The following PIGU variants were observed in gnomAD, a reference collection of about 807,000 sequenced individuals.
PIGU encodes GPI-anchor transamidase component PIGU.
A neutral mutation model predicts 49.9 loss-of-function variants in PIGU; 24 were observed. That is an observed-to-expected ratio of 0.48 (90% CI 0.35 to 0.68). The LOEUF (loss-of-function observed/expected upper bound fraction) is 0.68, where lower values mean the gene tolerates loss of function less well. Among genes scored for constraint, PIGU ranks in the 30% least tolerant of loss-of-function variants. PIGU has a pLI of 0.01. For synonymous variants in PIGU, 220 were observed against 205.7 expected (o/e 1.07, Z -0.59); for missense variants, 490 against 532.6 (o/e 0.92, Z 0.79).
rs150559472 is a variant in PIGU, at chr20:34,586,340, A to G, written c.783-760T>C. ...ATTTCCCTGACTGAGGCCTCCGCCCAGGTTAACTTTTGCCTCTTGCTGTAA... is the reference window on the plus strand; with the variant it reads ...ATTTCCCTGACTGAGGCCTCCGCCCGGGTTAACTTTTGCCTCTTGCTGTAA... On this transcript the variant is annotated intron_variant, in intron 8 of 11. Transcript: ENST00000217446. Among the ~76,000 whole-genome samples the G allele has an allele frequency of 1.6e-3, 249 of 152,184 alleles. 1 individual carries two copies. Among genetic ancestry groups the G allele is most frequent in the African/African-American group, 5.6e-3 (233 of 41,524 alleles).
At chr20:34,561,827 A>G (rs1982527936) in intron 11 of PIGU, among the ~76,000 whole-genome samples, 1 of 151,346 alleles carries the variant, frequency 6.6e-6, no homozygotes, top group African/African-American at 2.4e-5. Flanking sequence ...ACAGCTGCTT[A>G]CTCTTCAGGG....
At chr20:34,659,240 C>A (rs866216553) in intron 1 of PIGU, among the ~76,000 whole-genome samples, 4 of 93,352 alleles carry the variant, frequency 4.3e-5, no homozygotes, top group Admixed American at 4.1e-4. Flanking sequence ...CCGCCCCGTC[C>A]GGGAGGGAGG....
Position 34,581,617 on chromosome 20 carries a change from A to T in PIGU, c.982T>A (p.Ser328Thr). 1 of 1,614,002 alleles carries T rather than the reference A, an allele frequency of 6.2e-7. No individual in the cohort carries two copies. Among genetic ancestry groups the T allele is most frequent in the Non-Finnish European group, 8.5e-7 (1 of 1,179,926 alleles). Residue 328 changes from serine (S) to threonine (T), a missense_variant, in exon 10 of 12, where the codon TCC becomes ACC. Physicochemically the swap from Ser to Thr is moderately conservative, Grantham distance 58. Coordinates refer to ENST00000217446, the MANE Select transcript of PIGU (RefSeq NM_080476.5). ...IQIAVIAIFK[S>T]YPTVGDVALY... Reference sequence around the variant, plus strand: ...GCCACGTCCCCCACTGTCGGGTAGGACTTAAAGATGGCGATGACAGCGATC... The same window carrying T: ...GCCACGTCCCCCACTGTCGGGTAGGTCTTAAAGATGGCGATGACAGCGATC...
chr20:34,598,542 CATCT>C (rs1984288668), intron 7 of PIGU, among the ~76,000 whole-genome samples: 1 of 152,210 alleles, frequency 6.6e-6, no homozygotes, highest in Non-Finnish European at 1.5e-5. Flanking sequence ...CACCTAAAGA[CATCT>C]ATTAAACAGA....
chr20:34,629,577 C>A (rs1195553082), intron 6 of PIGU, among the ~76,000 whole-genome samples: 1 of 152,204 alleles, frequency 6.6e-6, no homozygotes, highest in Non-Finnish European at 1.5e-5. Context: ...CATGTCCAAC[C>A]TAGATCAGCT....
chr20:34,646,472 G>A lies in PIGU; in HGVS notation c.196-1138C>T, dbSNP rs571689197. ...CACCCAGGCTGGAGTGCAGTGGTAC[G>A]ATCTTGGCTCAGAGCAACCTCCGCC... On this transcript the variant is annotated intron_variant, in intron 2 of 11. Coordinates refer to ENST00000217446, the MANE Select transcript of PIGU (RefSeq NM_080476.5). 2.9e-4 allele frequency among the ~76,000 whole-genome samples: 44 copies of A among 152,260 alleles called. No individual in the cohort carries two copies. The South Asian group carries it at 8.5e-3, about 29-fold the overall frequency.
intron 7 of PIGU, among the ~76,000 whole-genome samples, chr20:34,613,521 T>C (rs1296947424): frequency 3.3e-5 from 5 of 152,242 alleles, no homozygotes; most frequent in Non-Finnish European, 7.3e-5. Context: ...TATTTACTTA[T>C]TCATTTTTTG....
chr20:34,631,623 G>A (rs1389208917), intron 6 of PIGU, among the ~76,000 whole-genome samples: 1 of 137,586 alleles, frequency 7.3e-6, no homozygotes. Flanking sequence ...GCGCGATCTC[G>A]ACTCACTGCA....
intron 1 of PIGU, among the ~76,000 whole-genome samples, chr20:34,663,330 G>T (rs986623357): frequency 6.6e-6 from 1 of 152,048 alleles, no homozygotes; most frequent in Non-Finnish European, 1.5e-5. Context: ...ACAAAAATTA[G>T]CTGGGGCATG....
chr20:34,637,903 C>T lies in PIGU; in HGVS notation c.401G>A (p.Arg134His), dbSNP rs755704192. 34 of 1,609,864 alleles carry T rather than the reference C, an allele frequency of 2.1e-5. No homozygotes were observed. In the Admixed American group the frequency reaches 4.5e-4, roughly 21 times the overall value. ...AELIRTPMEM[R>H]YIPLKVALFY... ...CAGGGCCACTTTCAAAGGGATGTAACGCATTTCCATAGGGGTCCGGATGAG... is the reference window on the plus strand; with the variant it reads ...CAGGGCCACTTTCAAAGGGATGTAATGCATTTCCATAGGGGTCCGGATGAG... Residue 134 changes from arginine (R) to histidine (H), a missense_variant, in exon 5 of 12, where the codon CGT (arginine) becomes CAT (histidine). Arg to His is a conservative substitution (Grantham distance 29). Transcript: ENST00000217446.
chr20:34,610,632 AAAGTAATTTATAGAT>A, intron 7 of PIGU, among the ~76,000 whole-genome samples: 1 of 152,342 alleles, frequency 6.6e-6, no homozygotes, highest in Non-Finnish European at 1.5e-5. Flanking sequence ...CATACTGCCC[AAAGTAATTTATAGAT>A]TCAATGCTAT....
At chr20:34,570,445 C>T (rs1982960289) in intron 11 of PIGU, among the ~76,000 whole-genome samples, 4 of 151,608 alleles carry the variant, frequency 2.6e-5, no homozygotes, top group South Asian at 2.1e-4. Flanking sequence ...GACACAGTCT[C>T]GCTCTGTCGC....
intron 7 of PIGU, among the ~76,000 whole-genome samples, chr20:34,590,359 C>T (rs764056037): frequency 1.1e-4 from 17 of 151,466 alleles, no homozygotes; most frequent in Non-Finnish European, 2.2e-4. Context: ...GAGTTCAAAA[C>T]CAGCCTGGCT....
In PIGU at chr20:34,588,527, G is replaced by T. The variant is rs1199239820; in HGVS notation, c.708C>A (p.Ser236Arg). ...AGGAGAGGCAAATGATTACCACTAG[G>T]CTTCCCACATACATCATGGCATACT... ...SWEYAMMYVG[S>R]LVVIICLSFF... is the part of the protein sequence containing the mutation. Residue 236 changes from serine (S) to arginine (R), a missense_variant, in exon 8 of 12, where the codon AGC (serine) becomes AGA (arginine). Ser to Arg is a moderately radical substitution (Grantham distance 110). Transcript: ENST00000217446. 6.2e-7 allele frequency: 1 copy of T among 1,613,662 alleles called. No homozygotes were observed. The highest frequency in any genetic ancestry group is 1.1e-5 in the South Asian group (1 of 91,070).
chr20:34,579,868 G>A (rs1018339038), intron 10 of PIGU, among the ~76,000 whole-genome samples: 1 of 152,172 alleles, frequency 6.6e-6, no homozygotes, highest in Non-Finnish European at 1.5e-5. Context: ...CTCTGATCAC[G>A]GAACTATGTG....
chr20:34,675,804 G>A (rs1600681111), intron 1 of PIGU, among the ~76,000 whole-genome samples: 2 of 152,046 alleles, frequency 1.3e-5, no homozygotes, highest in East Asian at 1.9e-4. Context: ...GAGTCCAGGA[G>A]TTCCAGACCA....
At chr20:34,670,777 C>T (rs1987283938) in intron 1 of PIGU, among the ~76,000 whole-genome samples, 1 of 151,828 alleles carries the variant, frequency 6.6e-6, no homozygotes, top group Non-Finnish European at 1.5e-5. Flanking sequence ...CTCCTAAGCT[C>T]AAGTGATCTG....
intron 6 of PIGU, among the ~76,000 whole-genome samples, chr20:34,625,460 T>G (rs1034764976): frequency 3.9e-5 from 6 of 151,910 alleles, no homozygotes. Context: ...GAACAAGTAT[T>G]ATCCTTTTGG....
chr20:34,674,130 C>T (rs889074308), intron 1 of PIGU, among the ~76,000 whole-genome samples: 2 of 151,770 alleles, frequency 1.3e-5, no homozygotes, highest in African/African-American at 2.4e-5. Context: ...TCAAGGCGGG[C>T]GGCTCACCTG....
Sources: gnomAD v4.1 joint callset for allele counts (sites outside exome capture counted in the v4.1 genomes callset) on GRCh38, gnomAD v4.1.1 for gene constraint, MANE v1.5 for transcripts, NCBI Gene and HGNC (gene_info 2026-07-23, HGNC 2026-07-21) for gene names.